The following PSMA3 variants were observed in gnomAD, a reference collection of about 807,000 sequenced individuals.
The protein encoded by PSMA3 is proteasome 20S subunit alpha 3.
A neutral mutation model predicts 40.0 loss-of-function variants in PSMA3; 8 were observed. The ratio of observed to expected loss-of-function variants is 0.20; its 90% confidence interval spans 0.12 to 0.36. PSMA3 has a LOEUF of 0.36. Ranked by LOEUF, PSMA3 falls within the 10% of genes least tolerant of loss-of-function variation. The pLI, the probability that PSMA3 is intolerant of heterozygous loss-of-function variation, is 1.00. For missense variants in PSMA3, 219 were observed against 310.6 expected, an observed-to-expected ratio of 0.70 and a Z score of 2.22; for synonymous variants, 110 against 100.0, an observed-to-expected ratio of 1.10 and a Z score of -0.59.
At chr14:58,268,897 G>C (rs527652247) in intron 8 of PSMA3, 2 of 151,896 alleles carry the variant, frequency 1.3e-5, no homozygotes, top group Non-Finnish European at 2.9e-5. Context: ...TCAGTGCATA[G>C]TATTAGATAA....
At chr14:58,265,772 T>C (rs1334839370) in intron 7 of PSMA3, 2 of 152,158 alleles carry the variant, frequency 1.3e-5, no homozygotes, top group Non-Finnish European at 2.9e-5. Flanking sequence ...AATACAGAAC[T>C]TAACTAAGGA....
At chr14:58,268,568 CTA>C (rs941435075) in intron 8 of PSMA3, 3 of 152,116 alleles carry the variant, frequency 2.0e-5, no homozygotes, top group African/African-American at 7.2e-5. Flanking sequence ...AATGGCAACA[CTA>C]GGAACCAACA....
At chr14:58,263,575 CTA>C (rs1890344614) in intron 6 of PSMA3, 128 bp from the exon 7 acceptor site, 6 of 650,762 alleles carry the variant, frequency 9.2e-6, no homozygotes, top group Middle Eastern at 4.3e-4. Flanking sequence ...ATGTGTTTGA[CTA>C]TATTTTTCTA....
At chr14:58,254,119 T>C (rs1369215085) in intron 3 of PSMA3, among the ~76,000 whole-genome samples, 1 of 151,362 alleles carries the variant, frequency 6.6e-6, no homozygotes, top group Non-Finnish European at 1.5e-5. Flanking sequence ...TGAATTCTCA[T>C]CATTTAGCTT....
chr14:58,256,660 C>G (rs1048980998), intron 3 of PSMA3, among the ~76,000 whole-genome samples: 5 of 151,814 alleles, frequency 3.3e-5, no homozygotes, highest in East Asian at 3.9e-4. Flanking sequence ...GATCCACCTG[C>G]CTCAGCCTCC....
intron 6 of PSMA3, among the ~76,000 whole-genome samples, chr14:58,261,754 C>G (rs1318913438): frequency 1.3e-5 from 2 of 151,930 alleles, no homozygotes; most frequent in Non-Finnish European, 2.9e-5. Context: ...ACTACAGGCT[C>G]ATGCCACCAT....
At chr14:58,270,153 A>C (rs987861982) in intron 8 of PSMA3, 8 of 333,424 alleles carry the variant, frequency 2.4e-5, no homozygotes, top group Non-Finnish European at 3.7e-5. Flanking sequence ...GCCAAGTTAT[A>C]TCTCTAAAGC....
At chr14:58,261,200 G>C (rs912580374) in intron 6 of PSMA3, among the ~76,000 whole-genome samples, 180 bp downstream of exon 6, 53 of 93,492 alleles carry the variant, frequency 5.7e-4, no homozygotes, top group African/African-American at 2.2e-3. Context: ...TTTCCTTTTT[G>C]GGGGAACAGG....
chr14:58,262,330 G>C (rs1261962964), intron 6 of PSMA3, among the ~76,000 whole-genome samples: 1 of 151,940 alleles, frequency 6.6e-6, no homozygotes, highest in Non-Finnish European at 1.5e-5. Flanking sequence ...TCAGCCTCCC[G>C]AGTAGGCTGG....
chr14:58,262,146 C>T (rs938167550), intron 6 of PSMA3, among the ~76,000 whole-genome samples: 2 of 152,114 alleles, frequency 1.3e-5, no homozygotes, highest in Non-Finnish European at 2.9e-5. Flanking sequence ...GCCAGCTGGT[C>T]TCCAACTCCT....
chr14:58,257,101 CAAAAAA>C (rs60421135), intron 3 of PSMA3, among the ~76,000 whole-genome samples: 4 of 104,698 alleles, frequency 3.8e-5, no homozygotes, highest in African/African-American at 3.8e-5. Flanking sequence ...GACTCTGTCT[CAAAAAA>C]AAAAAAAAAA....
At position 58,270,966 on chromosome 14, in the gene PSMA3, G is replaced by T; in HGVS notation, c.691G>T (p.Asp231Tyr). 6.2e-7 allele frequency: 1 copy of T among 1,608,780 alleles called. No individual in the cohort carries two copies. The highest frequency in any genetic ancestry group is 8.5e-7 in the Non-Finnish European group (1 of 1,176,934). Reference protein sequence around the residue: ...TNGRHEIVPKDIREEAEKYAK... With the variant: ...TNGRHEIVPKYIREEAEKYAK... ...TGGAAGACATGAAATTGTTCCAAAA[G>T]ATATAAGAGAAGAAGCAGAGAAATA... is the stretch of plus-strand genomic sequence containing the variant. The change falls in exon 10 of 11, where the codon GAT becomes TAT. Residue 231 changes from aspartate (D) to tyrosine (Y), a missense_variant. Transcript: ENST00000216455.
chr14:58,268,097 C>T (rs1005802719), intron 8 of PSMA3: 1 of 152,120 alleles, frequency 6.6e-6, no homozygotes, highest in African/African-American at 2.4e-5. Flanking sequence ...TAATATGTAA[C>T]AGGTATTTGG....
intron 2 of PSMA3, among the ~76,000 whole-genome samples, chr14:58,249,991 G>A (rs1310597462): frequency 6.6e-6 from 1 of 152,056 alleles, no homozygotes; most frequent in African/African-American, 2.4e-5. Flanking sequence ...GGCTGAGGCA[G>A]GTGTATTGCT....
intron 5 of PSMA3, among the ~76,000 whole-genome samples, chr14:58,259,793 A>C (rs1473989975): frequency 1.3e-5 from 2 of 152,132 alleles, no homozygotes; most frequent in African/African-American, 4.8e-5. Flanking sequence ...TGGTAGTTGC[A>C]AGCACAGGAA....
At chr14:58,260,653 C>T (rs182954110) in intron 5 of PSMA3, among the ~76,000 whole-genome samples, 106 of 152,204 alleles carry the variant, frequency 7.0e-4, no homozygotes, top group African/African-American at 2.5e-3. Context: ...ATTTATTGGG[C>T]CCTCTCATAG....
intron 9 of PSMA3, 75 bp downstream of exon 9, chr14:58,270,560 C>G: frequency 6.3e-7 from 1 of 1,591,596 alleles, no homozygotes; most frequent in Non-Finnish European, 8.5e-7. Context: ...AGTGTCCTTT[C>G]TAATATAATG....
intron 3 of PSMA3, among the ~76,000 whole-genome samples, chr14:58,253,153 T>C (rs1024622218): frequency 6.6e-6 from 1 of 151,976 alleles, no homozygotes; most frequent in Non-Finnish European, 1.5e-5. Flanking sequence ...CCCAGCTAAT[T>C]TTTATATTTT....
intron 2 of PSMA3, among the ~76,000 whole-genome samples, chr14:58,251,193 AACT>A (rs768325945): frequency 1.4e-4 from 22 of 152,366 alleles, no homozygotes; most frequent in Non-Finnish European, 2.9e-4. Flanking sequence ...TTCCGATCAG[AACT>A]ACCTTTATCA....
Sources: allele counts gnomAD v4.1 joint callset (sites outside exome capture counted in the v4.1 genomes callset), GRCh38; gene constraint gnomAD v4.1.1; transcripts MANE v1.5; gene names NCBI Gene and HGNC (gene_info 2026-07-23, HGNC 2026-07-21).